The following ASCC3 variants were observed in gnomAD, a reference collection of about 807,000 sequenced individuals.
ASCC3 encodes activating signal cointegrator 1 complex subunit 3.
In ASCC3, 158 loss-of-function variants were observed where a neutral mutation model predicts 256.3. The ratio of observed to expected loss-of-function variants is 0.62; its 90% CI spans 0.54 to 0.70. ASCC3 has a LOEUF of 0.70. Ranked by LOEUF, ASCC3 falls within the 30% of genes least tolerant of loss-of-function variation. The pLI is 0.00. For missense variants in ASCC3, 2,259 were observed against 2,626.0 expected, an observed-to-expected ratio of 0.86 and a Z score of 3.05; for synonymous variants, 948 against 883.4, an observed-to-expected ratio of 1.07 and a Z score of -1.30.
At chr6:100,691,119 CAT>C (rs1258977550) in intron 13 of ASCC3, among the ~76,000 whole-genome samples, 1 of 152,018 alleles carries the variant, frequency 6.6e-6, no homozygotes, top group Admixed American at 6.6e-5. Flanking sequence ...ACTAAGTGTA[CAT>C]TATGTACCAT....
chr6:100,859,057 T>C, intron 3 of ASCC3: 1 of 765,856 alleles, frequency 1.3e-6, no homozygotes, highest in East Asian at 2.5e-5. Flanking sequence ...CCTTTAATAG[T>C]CAAATATTCA....
intron 37 of ASCC3, among the ~76,000 whole-genome samples, chr6:100,520,969 T>C (rs987262161): frequency 6.6e-6 from 1 of 152,184 alleles, no homozygotes; most frequent in South Asian, 2.1e-4. Context: ...TTTTAAAGTA[T>C]AGGCTTATTG....
Position 100,820,816 on chromosome 6 carries a change from A to G in ASCC3, c.802-14936T>C, listed in dbSNP as rs1582913533. On this transcript the variant is annotated intron_variant, in intron 4 of 41. Coordinates refer to ENST00000369162, the MANE Select transcript of ASCC3 (RefSeq NM_006828.4). ...AAAAAGAAAACCCAATATAAAAATG[A>G]GCAAATGATCTGAATTTCTGCATGG... Among the ~76,000 whole-genome samples, 6 of 152,308 alleles carry G rather than the reference A, an allele frequency of 3.9e-5. No homozygotes were observed. In the South Asian group the frequency reaches 1.0e-3, roughly 26 times the overall value.
chr6:100,793,788 A>G (rs1489339664), intron 8 of ASCC3, among the ~76,000 whole-genome samples: 1 of 151,754 alleles, frequency 6.6e-6, no homozygotes, highest in Non-Finnish European at 1.5e-5. Context: ...TCTGGCAGAT[A>G]GAATGTGGGA....
intron 36 of ASCC3, among the ~76,000 whole-genome samples, chr6:100,558,736 C>T (rs991429424): frequency 2.0e-5 from 3 of 152,104 alleles, no homozygotes; most frequent in African/African-American, 7.2e-5. Flanking sequence ...ATTACTACCT[C>T]GACTTAACAC....
At chr6:100,732,366 T>C (rs2115052281) in intron 10 of ASCC3, among the ~76,000 whole-genome samples, 1 of 152,208 alleles carries the variant, frequency 6.6e-6, no homozygotes, top group South Asian at 2.1e-4. Flanking sequence ...CAAAAGTTTG[T>C]TTGGGGTGTA....
chr6:100,608,326 C>A (rs1482806074), intron 30 of ASCC3, among the ~76,000 whole-genome samples: 3 of 96,688 alleles, frequency 3.1e-5, no homozygotes, highest in Non-Finnish European at 5.6e-5. Context: ...TATATATATA[C>A]CTTATATATG....
At chr6:100,654,021 AAAAT>A (rs1344476344) in intron 17 of ASCC3, among the ~76,000 whole-genome samples, 1 of 152,114 alleles carries the variant, frequency 6.6e-6, no homozygotes, top group East Asian at 1.9e-4. Flanking sequence ...ATTTATGTAC[AAAAT>A]ATAGCTAAAA....
Position 100,627,656 on chromosome 6 carries a change from T to C in ASCC3, c.4576A>G (p.Ile1526Val), listed in dbSNP as rs762001493. ...TAATGTTGACCTGGAAAGCCTTGAA[T>C]GTGAACTTCCAGTGGAACTGGGCGT... ...SVRPVPLEVH[I>V]QGFPGQHYCP... The change falls in exon 29 of 42, where the codon ATT becomes GTT. Residue 1526 changes from isoleucine (I) to valine (V), a missense_variant. By Grantham distance (29) the Ile-to-Val change is conservative. Around this residue, in one of 2 missense-constraint regions of ASCC3, gnomAD observed 1,839 missense variants for 2,206.7 expected, o/e 0.83. Coordinates refer to ENST00000369162, the MANE Select transcript of ASCC3 (RefSeq NM_006828.4). The C allele has an allele frequency of 7.4e-6, 12 of 1,613,546 alleles. No homozygotes were observed. Among genetic ancestry groups the C allele is most frequent in the South Asian group, 1.1e-5 (1 of 91,076 alleles).
chr6:100,759,028 C>T (rs1039785645), intron 10 of ASCC3, among the ~76,000 whole-genome samples: 3 of 152,202 alleles, frequency 2.0e-5, no homozygotes, highest in African/African-American at 7.2e-5. Context: ...TTGTCGTCCA[C>T]ATAAATGTCT....
chr6:100,854,228 A>G (rs1227155654), intron 3 of ASCC3, among the ~76,000 whole-genome samples: 1 of 151,872 alleles, frequency 6.6e-6, no homozygotes, highest in Non-Finnish European at 1.5e-5. Context: ...AACTTTTGAC[A>G]TAACAGAGGT....
intron 27 of ASCC3, 109 bp from the exon 28 acceptor site, chr6:100,628,096 A>C: frequency 1.7e-6 from 2 of 1,145,746 alleles, no homozygotes; most frequent in East Asian, 2.5e-5. Flanking sequence ...AAAAACAAAA[A>C]AAAAAACAAA....
chr6:100,722,893 T>C (rs1456701541), intron 11 of ASCC3, among the ~76,000 whole-genome samples: 1 of 151,812 alleles, frequency 6.6e-6, no homozygotes, highest in Non-Finnish European at 1.5e-5. Flanking sequence ...ATAAATATAC[T>C]ATAATTCATT....
At chr6:100,868,720 G>A (rs968039393) in intron 1 of ASCC3, among the ~76,000 whole-genome samples, 1 of 152,028 alleles carries the variant, frequency 6.6e-6, no homozygotes, top group Non-Finnish European at 1.5e-5. Context: ...AATATTTTTG[G>A]TACTCAATAA....
chr6:100,695,673 A>C (rs1334257764), intron 13 of ASCC3, among the ~76,000 whole-genome samples: 1 of 152,084 alleles, frequency 6.6e-6, no homozygotes, highest in African/African-American at 2.4e-5. Context: ...AACCATAGTA[A>C]AAGATAAGGT....
At chr6:100,668,967 T>C (rs74950151) in intron 14 of ASCC3, among the ~76,000 whole-genome samples, 2,240 of 151,646 alleles carry the variant, frequency 0.015, 43 homozygotes, top group African/African-American at 0.051. Flanking sequence ...ATTGATGTTC[T>C]AGACAATACT....
At chr6:100,604,549 C>A (rs1772789820) in intron 33 of ASCC3, among the ~76,000 whole-genome samples, 1 of 151,802 alleles carries the variant, frequency 6.6e-6, no homozygotes, top group South Asian at 2.1e-4. Context: ...CTCCTGGGCT[C>A]AAGCAATCCT....
chr6:100,774,380 T>A (rs1249014183), intron 8 of ASCC3, among the ~76,000 whole-genome samples: 3 of 152,118 alleles, frequency 2.0e-5, no homozygotes, highest in Non-Finnish European at 4.4e-5. Flanking sequence ...ACTTTTTTTT[T>A]TCGGAGATGC....
intron 14 of ASCC3, among the ~76,000 whole-genome samples, chr6:100,666,668 G>T (rs2114940360): frequency 6.6e-6 from 1 of 152,208 alleles, no homozygotes; most frequent in South Asian, 2.1e-4. Flanking sequence ...TAAGGAGCGA[G>T]TTTTTTACAG....
Sources: allele counts gnomAD v4.1 joint callset (sites outside exome capture counted in the v4.1 genomes callset), GRCh38; gene constraint gnomAD v4.1.1; regional missense constraint gnomAD v4.1.1; transcripts MANE v1.5; gene names NCBI Gene and HGNC (gene_info 2026-07-23, HGNC 2026-07-21).